The following HUNK variants were observed in gnomAD, a reference collection of about 807,000 sequenced individuals.
HUNK encodes the protein hormonally up-regulated Neu-associated kinase, also known as hormonally up-regulated neu tumor-associated kinase.
HUNK carries 21 observed loss-of-function variants against 61.0 expected under a neutral mutation model. The observed-to-expected ratio is 0.34, with a 90% CI of 0.24 to 0.50. The LOEUF (loss-of-function observed/expected upper bound fraction) is 0.50, where lower values mean the gene tolerates loss of function less well. Among genes scored for constraint, HUNK ranks in the 20% least tolerant of loss-of-function variants. The probability of loss-of-function intolerance (pLI) is 0.98; values close to 1 mark genes in which losing one functional copy is unlikely to be tolerated. For synonymous variants in HUNK, 371 were observed against 386.1 expected (o/e 0.96, Z 0.46); for missense variants, 772 against 945.7 (o/e 0.82, Z 2.41).
intron 8 of HUNK, among the ~76,000 whole-genome samples, chr21:31,984,169 C>T (rs1296935668): frequency 6.6e-6 from 1 of 152,026 alleles, no homozygotes; most frequent in Non-Finnish European, 1.5e-5. Flanking sequence ...TGTTCTGTGG[C>T]ACTGTAGGGT....
intron 1 of HUNK, among the ~76,000 whole-genome samples, chr21:31,917,760 CT>C (rs1293537229): frequency 1.6e-5 from 2 of 122,426 alleles, no homozygotes; most frequent in South Asian, 2.7e-4. Context: ...ACACACACCC[CT>C]GGACTGAATT....
chr21:31,929,293 T>C (rs1000973484), intron 2 of HUNK, among the ~76,000 whole-genome samples: 5 of 152,082 alleles, frequency 3.3e-5, no homozygotes, highest in Non-Finnish European at 7.4e-5. Context: ...ATAAAGCAGA[T>C]TCACTTTGCT....
At chr21:31,890,971 TAA>T (rs370444866) in intron 1 of HUNK, among the ~76,000 whole-genome samples, 21 of 144,934 alleles carry the variant, frequency 1.4e-4, no homozygotes, top group African/African-American at 5.0e-4. Flanking sequence ...ATCTTTTGTT[TAA>T]AAAAAAAAAA....
chr21:31,986,365 C>G (rs2053133084), intron 8 of HUNK, among the ~76,000 whole-genome samples: 1 of 152,082 alleles, frequency 6.6e-6, no homozygotes, highest in South Asian at 2.1e-4. Flanking sequence ...CCTGCACTCT[C>G]TCTGTCTCCA....
intron 1 of HUNK, among the ~76,000 whole-genome samples, chr21:31,889,844 G>A (rs1303609611): frequency 6.6e-6 from 1 of 152,118 alleles, no homozygotes; most frequent in African/African-American, 2.4e-5. Flanking sequence ...GAGAATGTGC[G>A]GGGTAACAGA....
In HUNK at chr21:31,924,777, G is replaced by T. The variant is rs200760697; in HGVS notation, c.554+17G>T. ...GGTCCACAGGTAAGGGCCAGGCCAC[G>T]CTGGTGATCGCTGACTGTGTGCTCC... On this transcript the variant is annotated intron_variant, in intron 2 of 10. Transcript: ENST00000270112. This position sits in a 1 kb window ranked among gnomAD's most constrained non-coding sequence, Gnocchi z 5.1. 7 of 1,569,598 alleles carry T rather than the reference G, an allele frequency of 4.5e-6. No individual in the cohort carries two copies. In the South Asian group the frequency reaches 7.2e-5, roughly 16 times the overall value.
chr21:31,893,770 G>GATC (rs763599448), intron 1 of HUNK, among the ~76,000 whole-genome samples: 1 of 152,092 alleles, frequency 6.6e-6, no homozygotes, highest in Non-Finnish European at 1.5e-5. Flanking sequence ...CCATGTTTTT[G>GATC]ATCAGGTAGG....
At chr21:31,954,746 G>A (rs2123838060) in intron 4 of HUNK, among the ~76,000 whole-genome samples, 1 of 152,312 alleles carries the variant, frequency 6.6e-6, no homozygotes, top group South Asian at 2.1e-4. Flanking sequence ...CCGGAGATGT[G>A]CAGTGGCATC....
intron 1 of HUNK, among the ~76,000 whole-genome samples, chr21:31,901,161 G>A (rs1341271735): frequency 1.2e-4 from 19 of 152,172 alleles, no homozygotes; most frequent in Non-Finnish European, 1.5e-5. Flanking sequence ...TTCCAAACAA[G>A]GTCACCTTCT....
At chr21:31,992,372 C>A (rs1042222387) in intron 9 of HUNK, among the ~76,000 whole-genome samples, 1 of 152,204 alleles carries the variant, frequency 6.6e-6, no homozygotes, top group African/African-American at 2.4e-5. Flanking sequence ...CATGGGGCTG[C>A]GTTTTCAAAA....
intron 1 of HUNK, among the ~76,000 whole-genome samples, chr21:31,900,516 T>C (rs542904284): frequency 6.6e-6 from 1 of 151,072 alleles, no homozygotes; most frequent in African/African-American, 2.4e-5. Context: ...TCACGAATAG[T>C]GGGTACTTTG....
intron 1 of HUNK, among the ~76,000 whole-genome samples, chr21:31,898,307 C>A (rs930171735): frequency 1.3e-5 from 2 of 152,078 alleles, no homozygotes; most frequent in Admixed American, 6.6e-5. Flanking sequence ...CTCTTGTTGC[C>A]CAGGCTGAAG....
chr21:31,917,255 A>T (rs1325392841), intron 1 of HUNK, among the ~76,000 whole-genome samples: 2 of 151,644 alleles, frequency 1.3e-5, no homozygotes, highest in Non-Finnish European at 2.9e-5. Flanking sequence ...TGCAGTGGTG[A>T]GATCATAGGT....
intron 1 of HUNK, among the ~76,000 whole-genome samples, chr21:31,881,334 A>G (rs2052305649): frequency 6.6e-6 from 1 of 152,182 alleles, no homozygotes; most frequent in African/African-American, 2.4e-5. Flanking sequence ...ACCTTGAAAT[A>G]TACAAAGTAT....
At chr21:31,906,451 T>C (rs559124379) in intron 1 of HUNK, among the ~76,000 whole-genome samples, 1 of 152,274 alleles carries the variant, frequency 6.6e-6, no homozygotes, top group South Asian at 2.1e-4. Flanking sequence ...TTAATTGTTT[T>C]TGAGAGAGAA....
intron 6 of HUNK, among the ~76,000 whole-genome samples, chr21:31,973,426 G>C: frequency 6.6e-6 from 1 of 152,196 alleles, no homozygotes; most frequent in East Asian, 1.9e-4. Context: ...CTGTCCTTGC[G>C]ATAGTTTGTT....
intron 4 of HUNK, among the ~76,000 whole-genome samples, chr21:31,952,484 G>C (rs2052857329): frequency 6.6e-6 from 1 of 152,134 alleles, no homozygotes; most frequent in Non-Finnish European, 1.5e-5. Context: ...GGGTGGCTCT[G>C]TCCATTGCTT....
At chr21:31,919,606 A>C (rs550365812) in intron 1 of HUNK, among the ~76,000 whole-genome samples, 1 of 152,340 alleles carries the variant, frequency 6.6e-6, no homozygotes, top group Admixed American at 6.5e-5. Context: ...GTGGAGCTTC[A>C]TAGGGTCCTA....
intron 1 of HUNK, among the ~76,000 whole-genome samples, chr21:31,898,858 T>C (rs1010468625): frequency 6.6e-6 from 1 of 152,214 alleles, no homozygotes; most frequent in Non-Finnish European, 1.5e-5. Context: ...AAAGCAAAGC[T>C]TTTAATATCC....
Sources: gnomAD v4.1 joint callset for allele counts (sites outside exome capture counted in the v4.1 genomes callset) on GRCh38, gnomAD v4.1.1 for gene constraint, Gnocchi (gnomAD v3.1) non-coding constraint, MANE v1.5 for transcripts, NCBI Gene and HGNC (gene_info 2026-07-23, HGNC 2026-07-21) for gene names.